The following DOCK3 variants were observed in gnomAD, a reference collection of about 807,000 sequenced individuals.
DOCK3 encodes the protein dedicator of cytokinesis protein 3.
DOCK3 carries 60 observed loss-of-function variants against 265.6 expected under a neutral mutation model. The observed-to-expected ratio is 0.23, with a 90% confidence interval of 0.18 to 0.28. The LOEUF is 0.28. Ranked by LOEUF, DOCK3 falls within the 10% of genes least tolerant of loss-of-function variation. The probability of loss-of-function intolerance (pLI) is 1.00; values close to 1 mark genes in which losing one functional copy is unlikely to be tolerated. For missense variants in DOCK3, 1,981 were observed against 2,594.3 expected (o/e 0.76, Z 5.14); for synonymous variants, 881 against 938.0 (o/e 0.94, Z 1.11).
At chr3:50,915,128 A>G (rs1308861460) in intron 4 of DOCK3, among the ~76,000 whole-genome samples, 1 of 152,072 alleles carries the variant, frequency 6.6e-6, no homozygotes, top group South Asian at 2.1e-4. Context: ...CTACTTGTGC[A>G]TGGCAGGGCA....
Position 51,061,712 on chromosome 3 carries a change from TA to T in DOCK3, c.316-2726del, listed in dbSNP as rs548274353. On this transcript the variant is annotated intron_variant, in intron 5 of 52. Transcript: ENST00000266037. ...ATGTACCCTAAAACTTAAAGTATAA[TA>T]AAAAAAAAAGCCATGAAAAGAAAAA... Among the ~76,000 whole-genome samples the T allele has an allele frequency of 3.8e-3, 546 of 145,062 alleles. 3 individuals carry two copies. Among genetic ancestry groups the T allele is most frequent in the African/African-American group, 0.012 (477 of 39,516 alleles).
At chr3:50,986,963 ACT>A (rs2077926386) in intron 5 of DOCK3, among the ~76,000 whole-genome samples, 1 of 151,842 alleles carries the variant, frequency 6.6e-6, no homozygotes. Context: ...CCACATACTA[ACT>A]CTGTCCGTTC....
intron 27 of DOCK3, among the ~76,000 whole-genome samples, chr3:51,293,927 A>G (rs2081929499): frequency 6.6e-6 from 1 of 152,260 alleles, no homozygotes; most frequent in African/African-American, 2.4e-5. Flanking sequence ...TAGATAAGCT[A>G]TAATCAAAAA....
intron 2 of DOCK3, among the ~76,000 whole-genome samples, chr3:50,803,794 GC>G (rs1342230696): frequency 6.6e-6 from 1 of 151,260 alleles, no homozygotes; most frequent in Non-Finnish European, 1.5e-5. Flanking sequence ...GGCGGGGGCT[GC>G]CCCCCACCTC....
At chr3:51,262,516 A>G (rs2079913698) in intron 23 of DOCK3, among the ~76,000 whole-genome samples, 1 of 152,232 alleles carries the variant, frequency 6.6e-6, no homozygotes, top group Admixed American at 6.5e-5. Context: ...CTTCTCCTCC[A>G]GAGGATCACA....
At chr3:51,003,543 CTATT>C (rs1427261475) in intron 5 of DOCK3, among the ~76,000 whole-genome samples, 3 of 152,134 alleles carry the variant, frequency 2.0e-5, no homozygotes, top group African/African-American at 4.8e-5. Context: ...ATTACTGAAC[CTATT>C]TGTTAGTAAT....
At chr3:51,025,654 A>T (rs1348118981) in intron 5 of DOCK3, among the ~76,000 whole-genome samples, 1 of 152,150 alleles carries the variant, frequency 6.6e-6, no homozygotes, top group Non-Finnish European at 1.5e-5. Flanking sequence ...TTATATCACA[A>T]AATTCAGTTG....
intron 14 of DOCK3, among the ~76,000 whole-genome samples, chr3:51,224,019 C>G (rs1351413741): frequency 6.6e-6 from 1 of 152,188 alleles, no homozygotes; most frequent in African/African-American, 2.4e-5. Flanking sequence ...AGGCACTTCC[C>G]AATCCAAGGG....
intron 1 of DOCK3, among the ~76,000 whole-genome samples, chr3:50,713,654 A>AT (rs1553638714): frequency 6.6e-6 from 1 of 151,232 alleles, no homozygotes; most frequent in Non-Finnish European, 1.5e-5. Flanking sequence ...ATATATATAT[A>AT]TTTTTTGTTT....
intron 39 of DOCK3, 57 bp downstream of exon 39, chr3:51,348,995 C>A: frequency 1.5e-6 from 2 of 1,366,914 alleles, no homozygotes; most frequent in Non-Finnish European, 2.0e-6. Context: ...TCTAAATGAG[C>A]GTTCTCTATG....
rs367937005 is a variant in DOCK3 at position 51,214,290 on chromosome 3, A to T, written c.1252+43A>T. 6 of 1,607,840 alleles carry T rather than the reference A, an allele frequency of 3.7e-6. No homozygotes were observed. The East Asian group carries it at 1.1e-4, about 30-fold the overall frequency. On this transcript the variant is annotated intron_variant, in intron 14 of 52. Transcript: ENST00000266037. The stretch of plus-strand genomic sequence containing the variant: ...GGGCTGGGAAGGAAGATGGGTTAGG[A>T]TGGAATCTGGTGCTCCCCTCCTGAG...
intron 1 of DOCK3, among the ~76,000 whole-genome samples, chr3:50,745,697 C>T (rs959577023): frequency 6.6e-6 from 1 of 152,168 alleles, no homozygotes; most frequent in Non-Finnish European, 1.5e-5. Context: ...AGCTACTATC[C>T]CCGCTGTTGC....
At chr3:51,210,414 G>A (rs1407478765) in intron 13 of DOCK3, among the ~76,000 whole-genome samples, 2 of 152,244 alleles carry the variant, frequency 1.3e-5, no homozygotes, top group Non-Finnish European at 2.9e-5. Context: ...GGAAAAGTCA[G>A]TAGGAGGAAC....
chr3:50,978,616 C>G (rs1373340407), intron 5 of DOCK3, among the ~76,000 whole-genome samples: 1 of 152,142 alleles, frequency 6.6e-6, no homozygotes, highest in African/African-American at 2.4e-5. Context: ...GTGCCCTGCC[C>G]CCAGAGGTGG....
At chr3:50,716,821 C>T (rs141270380) in intron 1 of DOCK3, among the ~76,000 whole-genome samples, 148 of 152,086 alleles carry the variant, frequency 9.7e-4, no homozygotes, top group African/African-American at 3.4e-3. Context: ...CTAATAGAGG[C>T]TTAAAAATCC....
intron 3 of DOCK3, among the ~76,000 whole-genome samples, chr3:50,878,111 C>T (rs916029123): frequency 4.6e-5 from 7 of 152,138 alleles, no homozygotes; most frequent in Non-Finnish European, 1.0e-4. Context: ...CACACCAAAA[C>T]CCCATCTGTA....
chr3:51,331,838 T>TA (rs1286474695), intron 33 of DOCK3, among the ~76,000 whole-genome samples: 1 of 152,212 alleles, frequency 6.6e-6, no homozygotes, highest in Non-Finnish European at 1.5e-5. Context: ...AAGGAGGGTA[T>TA]AGTGATCAGC....
chr3:50,767,741 C>T (rs949134662), intron 1 of DOCK3, among the ~76,000 whole-genome samples: 8 of 152,140 alleles, frequency 5.3e-5, no homozygotes, highest in African/African-American at 1.9e-4. Flanking sequence ...TAGATTCTTC[C>T]TATCCATGAG....
chr3:51,159,568 T>C (rs1242197234), intron 11 of DOCK3, among the ~76,000 whole-genome samples: 6 of 152,226 alleles, frequency 3.9e-5, no homozygotes, highest in African/African-American at 1.4e-4. Flanking sequence ...CCAAACTTTT[T>C]ATTTAAAATG....
Sources: allele counts gnomAD v4.1 joint callset (sites outside exome capture counted in the v4.1 genomes callset), GRCh38; gene constraint gnomAD v4.1.1; transcripts MANE v1.5; gene names NCBI Gene and HGNC (gene_info 2026-07-23, HGNC 2026-07-21).